The following HEMK2 variants were observed in gnomAD, a reference collection of about 807,000 sequenced individuals.
HEMK2 encodes HemK methyltransferase 2, ETF1 glutamine and histone H4 lysine.
chr21:28,750,469 C>T, the HEMK2 span, among the ~76,000 whole-genome samples: 1 of 152,044 alleles, frequency 6.6e-6, no homozygotes, highest in African/African-American at 2.4e-5. Context: ...GAGGCCAAGG[C>T]AGGCAGATCG....
chr21:28,779,696 T>G, the HEMK2 span, among the ~76,000 whole-genome samples: 1 of 152,184 alleles, frequency 6.6e-6, no homozygotes, highest in Non-Finnish European at 1.5e-5. Context: ...AGAAACTTTC[T>G]CTCTAGATCT....
chr21:28,600,441 G>A, the HEMK2 span, among the ~76,000 whole-genome samples: 1 of 152,316 alleles, frequency 6.6e-6, no homozygotes, highest in East Asian at 1.9e-4. Flanking sequence ...CTGGGACACA[G>A]GGCACAAAGT....
At chr21:28,630,335 T>C in the HEMK2 span, among the ~76,000 whole-genome samples, 2 of 152,212 alleles carry the variant, frequency 1.3e-5, no homozygotes, top group South Asian at 2.1e-4. Flanking sequence ...TTGGTGGGAC[T>C]GTAAACTAGT....
chr21:28,726,152 A>G, the HEMK2 span, among the ~76,000 whole-genome samples: 2 of 152,218 alleles, frequency 1.3e-5, no homozygotes, highest in Non-Finnish European at 2.9e-5. Flanking sequence ...AATTATTAAC[A>G]TAATTCACCA....
the HEMK2 span, among the ~76,000 whole-genome samples, chr21:28,582,361 C>T: frequency 1.3e-5 from 2 of 152,102 alleles, no homozygotes; most frequent in Admixed American, 1.3e-4. Context: ...GTAAGCTTTC[C>T]AAGGCCAGTT....
the HEMK2 span, among the ~76,000 whole-genome samples, chr21:28,773,292 G>T: frequency 5.3e-5 from 8 of 152,210 alleles, no homozygotes; most frequent in Non-Finnish European, 8.8e-5. Flanking sequence ...ATTAATTAAA[G>T]TAGGATCTTC....
chr21:28,823,111 A>G, the HEMK2 span, among the ~76,000 whole-genome samples: 1 of 152,342 alleles, frequency 6.6e-6, no homozygotes, highest in African/African-American at 2.4e-5. Context: ...TAATGTGAAC[A>G]GGGCAGCAGG....
At chr21:28,611,911 C>CAAA in the HEMK2 span, among the ~76,000 whole-genome samples, 4 of 71,876 alleles carry the variant, frequency 5.6e-5, no homozygotes, top group Non-Finnish European at 8.6e-5. Context: ...GACACCATCT[C>CAAA]AAAAAAAAAA....
At chr21:28,859,112 C>G in the HEMK2 span, among the ~76,000 whole-genome samples, 1 of 152,160 alleles carries the variant, frequency 6.6e-6, no homozygotes, top group Non-Finnish European at 1.5e-5. Flanking sequence ...TACCTAGAAG[C>G]CTATAATATT....
chr21:28,793,398 T>A, the HEMK2 span, among the ~76,000 whole-genome samples: 2 of 152,214 alleles, frequency 1.3e-5, no homozygotes, highest in Non-Finnish European at 2.9e-5. Flanking sequence ...CCAATCTGTG[T>A]GTGTAAATAT....
chr21:28,864,558 C>T, the HEMK2 span, among the ~76,000 whole-genome samples: 12 of 152,126 alleles, frequency 7.9e-5, no homozygotes, highest in Admixed American at 2.6e-4. Flanking sequence ...ATTTCAATAA[C>T]TCTAGTTCAT....
the HEMK2 span, among the ~76,000 whole-genome samples, chr21:28,778,854 G>A: frequency 2.6e-5 from 4 of 152,048 alleles, no homozygotes; most frequent in Non-Finnish European, 5.9e-5. Context: ...TATGTGGTTT[G>A]CAAATATTTT....
the HEMK2 span, among the ~76,000 whole-genome samples, chr21:28,732,364 G>GT: frequency 6.6e-6 from 1 of 152,212 alleles, no homozygotes; most frequent in South Asian, 2.1e-4. Flanking sequence ...TGTGCTGAGG[G>GT]TAACTGATGA....
At chr21:28,786,351 A>G in the HEMK2 span, among the ~76,000 whole-genome samples, 1 of 152,230 alleles carries the variant, frequency 6.6e-6, no homozygotes, top group Non-Finnish European at 1.5e-5. Context: ...CTTTATTAAA[A>G]CTTAATCTAA....
At chr21:28,831,594 A>G in the HEMK2 span, among the ~76,000 whole-genome samples, 39 of 82,826 alleles carry the variant, frequency 4.7e-4, no homozygotes, top group African/African-American at 1.1e-3. Context: ...AAAGAAGGAA[A>G]GAAGGAAAGA....
the HEMK2 span, among the ~76,000 whole-genome samples, chr21:28,810,407 T>C: frequency 6.6e-6 from 1 of 152,192 alleles, no homozygotes; most frequent in Non-Finnish European, 1.5e-5. Context: ...GGCATGAATT[T>C]AAAGAAATAT....
the HEMK2 span, among the ~76,000 whole-genome samples, chr21:28,677,640 C>T: frequency 6.6e-6 from 1 of 152,186 alleles, no homozygotes; most frequent in Non-Finnish European, 1.5e-5. Context: ...AACTGGGAGG[C>T]ACCCCCCAGT....
the HEMK2 span, among the ~76,000 whole-genome samples, chr21:28,618,967 G>T: frequency 6.6e-6 from 1 of 152,190 alleles, no homozygotes; most frequent in East Asian, 1.9e-4. Context: ...TGTATTTGGA[G>T]AGAGGGTCTT....
chr21:28,709,121 A>C, the HEMK2 span, among the ~76,000 whole-genome samples: 1 of 152,140 alleles, frequency 6.6e-6, no homozygotes, highest in Non-Finnish European at 1.5e-5. Context: ...AATCCCACTT[A>C]TGAGGGCTCC....
Sources: gnomAD v4.1 joint callset for allele counts (sites outside exome capture counted in the v4.1 genomes callset) on GRCh38, gnomAD v4.1.1 for gene constraint, MANE v1.5 for transcripts, NCBI Gene and HGNC (gene_info 2026-07-23, HGNC 2026-07-21) for gene names.